The following FLG2 variants were observed in gnomAD, a reference collection of about 807,000 sequenced individuals.
The protein encoded by FLG2 is filaggrin-2.
A neutral mutation model predicts 3.9 loss-of-function variants in FLG2; 7 were observed. That is an observed-to-expected ratio of 1.79 (90% confidence interval 1.02 to 3.36). FLG2 has a LOEUF of 3.36. Among genes scored for constraint, FLG2 ranks in the 30% most tolerant of loss-of-function variants. FLG2 has a pLI of 0.00. For missense variants in FLG2, 2,700 were observed against 2,809.4 expected, an observed-to-expected ratio of 0.96 and a Z score of 0.88; for synonymous variants, 1,031 against 1,056.1, an observed-to-expected ratio of 0.98 and a Z score of 0.46.
Position 152,355,337 on chromosome 1 carries a change from A to G in FLG2, c.2449T>C (p.Ser817Pro), listed in dbSNP as rs750946267. Residue 817 changes from serine to proline, a missense_variant, in exon 3 of 3, where the codon TCC (serine) becomes CCC (proline). Coordinates refer to ENST00000388718, the MANE Select transcript of FLG2 (RefSeq NM_001014342.3). ...GACCCATGTTGTCCAAAGCCAGCGGACTGACCTGAGCCTGATCCATATTGG... is the reference window on the plus strand; with the variant it reads ...GACCCATGTTGTCCAAAGCCAGCGGGCTGACCTGAGCCTGATCCATATTGG... ...FGQYGSGSGQ[S>P]AGFGQHGSGS... The G allele has an allele frequency of 4.3e-6, 7 of 1,613,754 alleles. No individual in the cohort carries two copies. In the East Asian group the frequency reaches 1.3e-4, roughly 31 times the overall value.
Position 152,356,980 on chromosome 1 carries a change from C to A in FLG2, c.806G>T (p.Gly269Val). 1 of 1,614,224 alleles carries A rather than the reference C, an allele frequency of 6.2e-7. No individual in the cohort carries two copies. The highest frequency in any genetic ancestry group is 8.5e-7 in the Non-Finnish European group (1 of 1,180,044). Residue 269 changes from glycine (G) to valine (V), a missense_variant, in exon 3 of 3, where the codon GGT (glycine) becomes GTT (valine). Physicochemically the swap from Gly to Val is moderately radical, Grantham distance 109 (BLOSUM62 -3). Coordinates refer to ENST00000388718, the MANE Select transcript of FLG2 (RefSeq NM_001014342.3). ...ACTTCGCCTCCCACTGTCTCCTGAA[C>A]CTGAACAGCTAGACCCAAGCTTTTG... is the stretch of plus-strand genomic sequence containing the variant. ...REQKLGSSCS[G>V]SGDSGRRSHA...
Position 152,355,235 on chromosome 1 carries a change from C to T in FLG2, c.2551G>A (p.Gly851Ser). 6.2e-7 allele frequency: 1 copy of T among 1,612,210 alleles called. No individual in the cohort carries two copies. ...CCATAGCCAGATGATTGACTTGAGC[C>T]AGAACCATGTTGGCCATAGCTGGAC... ...HQSSYGQHGSGSSQSSGYGQH... is the reference protein window; with the variant it reads ...HQSSYGQHGSSSSQSSGYGQH... The change falls in exon 3 of 3, where the codon GGC becomes AGC. Residue 851 changes from glycine to serine, a missense_variant. Physicochemically the swap from Gly to Ser is moderately conservative, Grantham distance 56. Transcript: ENST00000388718.
Position 152,355,342 on chromosome 1 carries a change from C to T in FLG2, c.2444G>A (p.Gly815Asp). The change falls in exon 3 of 3, where the codon GGT becomes GAT. Residue 815 changes from glycine (G) to aspartate (D), a missense_variant. Transcript: ENST00000388718. Reference protein sequence around the residue: ...TGFGQYGSGSGQSAGFGQHGS... With the variant: ...TGFGQYGSGSDQSAGFGQHGS... ...ATGTTGTCCAAAGCCAGCGGACTGA[C>T]CTGAGCCTGATCCATATTGGCCAAA... 6.2e-7 allele frequency: 1 copy of T among 1,613,858 alleles called. No individual in the cohort carries two copies. Among genetic ancestry groups the T allele is most frequent in the Non-Finnish European group, 8.5e-7 (1 of 1,179,914 alleles).
chr1:152,356,045 C>T lies in FLG2; in HGVS notation c.1741G>A (p.Gly581Ser), dbSNP rs1365423341. 6.2e-7 allele frequency: 1 copy of T among 1,613,736 alleles called. No homozygotes were observed. The highest frequency in any genetic ancestry group is 8.5e-7 in the Non-Finnish European group (1 of 1,179,984). ...TGACCTGAGCCCGATCCATATTGGC[C>T]AAAGCCAGTGGATTGACCTGAGCCC... ...GLGSGQSTGF[G>S]QYGSGSGQSS... Residue 581 changes from glycine to serine, a missense_variant, in exon 3 of 3, where the codon GGC becomes AGC. Physicochemically the swap from Gly to Ser is moderately conservative, Grantham distance 56. Transcript: ENST00000388718.
rs774687289 is a variant in FLG2, at chr1:152,353,225, T to A, written c.4561A>T (p.Thr1521Ser). 1.9e-6 allele frequency: 3 copies of A among 1,566,094 alleles called. No individual in the cohort carries two copies. The highest frequency in any genetic ancestry group is 2.6e-6 in the Non-Finnish European group (3 of 1,155,722). The change falls in exon 3 of 3, where the codon ACT becomes TCT. Residue 1521 changes from threonine (T) to serine (S), a missense_variant. By Grantham distance (58) the Thr-to-Ser change is moderately conservative (BLOSUM62 1). Transcript: ENST00000388718. Reference protein sequence around the residue: ...SGGSHTHSGHTHGQSGSQHGE... With the variant: ...SGGSHTHSGHSHGQSGSQHGE... ...TGTTGAGATCCACTTTGGCCGTGAG[T>A]GTGTCCTGAATGTGTGTGCGAGCCC...
rs760715355 is a variant in FLG2, at chr1:152,352,024, G to GC, written c.5761_5762insG (p.Thr1921SerfsTer11). 6.2e-7 allele frequency: 1 copy of GC among 1,613,846 alleles called. No homozygotes were observed. The highest frequency in any genetic ancestry group is 8.5e-7 in the Non-Finnish European group (1 of 1,179,948). On this transcript the variant is annotated frameshift_variant, in exon 3 of 3. Transcript: ENST00000388718. LOFTEE classifies it low-confidence loss of function (END_TRUNC). ...GGTATCTCCTGTCTGTCCATGAGTA[G>GC]TTTGGTGTCTCTTGTGAACTGTGGA...
Position 152,352,548 on chromosome 1 carries a change from T to C in FLG2, c.5238A>G (p.Gly1746=), listed in dbSNP as rs747505339. The change falls in exon 3 of 3, where the codon GGA becomes GGG. Residue 1746 remains glycine (G), a synonymous_variant. Coordinates refer to ENST00000388718, the MANE Select transcript of FLG2 (RefSeq NM_001014342.3). Reference sequence around the variant, plus strand: ...GAGATCTGGCTTGGCCATGAGTGTGTCCTGAATGTGTATGTGAGACTCCTG... The same window carrying C: ...GAGATCTGGCTTGGCCATGAGTGTGCCCTGAATGTGTATGTGAGACTCCTG... ...GYSGVSHTHS[G]HTHGQARSQH... 3 of 1,613,688 alleles carry C rather than the reference T, an allele frequency of 1.9e-6. No individual in the cohort carries two copies. Among genetic ancestry groups the C allele is most frequent in the East Asian group, 4.5e-5 (2 of 44,848 alleles).
chr1:152,353,741 C>T lies in FLG2; in HGVS notation c.4045G>A (p.Asp1349Asn). Residue 1349 changes from aspartate to asparagine, a missense_variant, in exon 3 of 3, where the codon GAT becomes AAT. Physicochemically the swap from Asp to Asn is conservative, Grantham distance 23. Transcript: ENST00000388718. Reference protein sequence around the residue: ...TSGRQRFSHSDATDSEVHSGV... With the variant: ...TSGRQRFSHSNATDSEVHSGV... ...GAGTGCACTTCACTGTCAGTGGCAT[C>T]ACTGTGGCTAAATCTCTGTCTTCCA... 1.2e-6 allele frequency: 2 copies of T among 1,614,190 alleles called. No homozygotes were observed. The highest frequency in any genetic ancestry group is 1.1e-5 in the South Asian group (1 of 91,080).
chr1:152,357,405 T>C lies in FLG2; in HGVS notation c.381A>G (p.Ser127=). Residue 127 remains serine, a synonymous_variant, in exon 3 of 3, where the codon TCA becomes TCG. Coordinates refer to ENST00000388718, the MANE Select transcript of FLG2 (RefSeq NM_001014342.3). The part of the protein sequence containing the change: ...EDEEDTPGHK[S]GYRHSSWSEG... ...CACTCCAACTTGAATGTCTGTAACCTGATTTATGTCCTGGTGTATCCTCTT... is the reference window on the plus strand; with the variant it reads ...CACTCCAACTTGAATGTCTGTAACCCGATTTATGTCCTGGTGTATCCTCTT... 6.2e-7 allele frequency: 1 copy of C among 1,614,200 alleles called. No homozygotes were observed. The highest frequency in any genetic ancestry group is 8.5e-7 in the Non-Finnish European group (1 of 1,180,032).
chr1:152,358,942 ATT>A, intron 1 of FLG2, 36 bp from the exon 2 acceptor site: 2 of 1,533,704 alleles, frequency 1.3e-6, no homozygotes, highest in Non-Finnish European at 1.8e-6. Context: ...TATTATTCAT[ATT>A]CTCTCCTTTT....
chr1:152,351,924 G>A lies in FLG2; in HGVS notation c.5862C>T (p.Gly1954=), dbSNP rs1390294867. 1.2e-6 allele frequency: 2 copies of A among 1,613,884 alleles called. No individual in the cohort carries two copies. Reference sequence around the variant, plus strand: ...CTTCACTGTCACTGTACTCACTGTGGCCAGATCCCCTTCTTCCAGTTGTCC... The same window carrying A: ...CTTCACTGTCACTGTACTCACTGTGACCAGATCCCCTTCTTCCAGTTGTCC... ...GSRTTGRRGS[G]HSEYSDSEGP... The change falls in exon 3 of 3, where the codon GGC becomes GGT. Residue 1954 remains glycine (G), a synonymous_variant. Transcript: ENST00000388718.
chr1:152,357,094 C>T lies in FLG2; in HGVS notation c.692G>A (p.Ser231Asn), dbSNP rs1654267418. ...EEYESGSGSNSWERKGHGGLS... is the reference protein window; with the variant it reads ...EEYESGSGSNNWERKGHGGLS... ...ACCACCATGACCTTTCCTTTCCCAACTGTTTGATCCAGATCCAGATTCATA... is the reference window on the plus strand; with the variant it reads ...ACCACCATGACCTTTCCTTTCCCAATTGTTTGATCCAGATCCAGATTCATA... The change falls in exon 3 of 3, where the codon AGT becomes AAT. Residue 231 changes from serine to asparagine, a missense_variant. Ser to Asn is a conservative substitution (Grantham distance 46). Transcript: ENST00000388718. 6.2e-7 allele frequency: 1 copy of T among 1,614,210 alleles called. No individual in the cohort carries two copies. The highest frequency in any genetic ancestry group is 8.5e-7 in the Non-Finnish European group (1 of 1,180,036).
chr1:152,357,035 A>G lies in FLG2; in HGVS notation c.751T>C (p.Ser251Pro), dbSNP rs570512770. The G allele has an allele frequency of 4.3e-6, 7 of 1,614,186 alleles. No individual in the cohort carries two copies. The South Asian group carries it at 6.6e-5, about 15-fold the overall frequency. The change falls in exon 3 of 3, where the codon TCA becomes CCA. Residue 251 changes from serine to proline, a missense_variant. By Grantham distance (74) the Ser-to-Pro change is moderately conservative. Transcript: ENST00000388718. ...SCGLETSGHE[S>P]NSTQSRIREQ... Reference sequence around the variant, plus strand: ...CTAATTCTTGACTGAGTAGAGTTTGATTCATGCCCACTAGTCTCCAATCCA... The same window carrying G: ...CTAATTCTTGACTGAGTAGAGTTTGGTTCATGCCCACTAGTCTCCAATCCA...
chr1:152,350,968 C>G lies in FLG2; in HGVS notation c.6818G>C (p.Gly2273Ala), dbSNP rs192946027. 6.2e-7 allele frequency: 1 copy of G among 1,613,804 alleles called. No homozygotes were observed. Among genetic ancestry groups the G allele is most frequent in the Non-Finnish European group, 8.5e-7 (1 of 1,179,940 alleles). Residue 2273 changes from glycine to alanine, a missense_variant, in exon 3 of 3, where the codon GGA (glycine) becomes GCA (alanine). Transcript: ENST00000388718. ...VHSWGSHTHS[G>A]HIQGQAGSQQ... ...AGATCCAGCTTGGCCCTGAATGTGT[C>G]CTGAATGTGTGTGTGAGCCCCATGA... is the stretch of plus-strand genomic sequence containing the variant.
chr1:152,352,852 G>T lies in FLG2; in HGVS notation c.4934C>A (p.Thr1645Lys). Residue 1645 changes from threonine (T) to lysine (K), a missense_variant, in exon 3 of 3, where the codon ACA becomes AAA. Physicochemically the swap from Thr to Lys is moderately conservative, Grantham distance 78 (BLOSUM62 -1). Coordinates refer to ENST00000388718, the MANE Select transcript of FLG2 (RefSeq NM_001014342.3). ...HGQSTQRGSR[T>K]TGRQRSSHSE... ...GTGGCTAGATCTCTGTCTTCCAGTT[G>T]TCCTGGACCCTCTCTGTGTGGACTG... 6.2e-7 allele frequency: 1 copy of T among 1,613,656 alleles called. No individual in the cohort carries two copies. The highest frequency in any genetic ancestry group is 8.5e-7 in the Non-Finnish European group (1 of 1,179,916).
rs1653844636 is a variant in FLG2 at position 152,349,926 on chromosome 1, T to C, written c.*684A>G. ...ATCTATACCTATACTCTTCAATTCC[T>C]GCAGGGTCTTGGCTGTCAAGAAAGT... is the stretch of plus-strand genomic sequence containing the variant. On this transcript the variant is annotated 3_prime_UTR_variant, in exon 3 of 3. Transcript: ENST00000388718. The C allele has an allele frequency of 6.5e-6, 1 of 154,800 alleles. No individual in the cohort carries two copies. The highest frequency in any genetic ancestry group is 1.4e-5 in the Non-Finnish European group (1 of 69,576). The allele number at this position is 154,800 out of a possible 1,614,324, so 9.6% of individuals were successfully genotyped here.
At position 152,353,345 on chromosome 1, in the gene FLG2, A is replaced by G. The variant is rs1654042300; in HGVS notation, c.4441T>C (p.Tyr1481His). ...CTCTGTGTGGATTTTCCATGATGAT[A>G]GTGGGCATGTCTAGTGGTATCTCCT... ...QTGDTTRHAHYHHGKSTQRGS... is the reference protein window; with the variant it reads ...QTGDTTRHAHHHHGKSTQRGS... The change falls in exon 3 of 3, where the codon TAT becomes CAT. Residue 1481 changes from tyrosine (Y) to histidine (H), a missense_variant. Physicochemically the swap from Tyr to His is moderately conservative, Grantham distance 83 (BLOSUM62 2). Coordinates refer to ENST00000388718, the MANE Select transcript of FLG2 (RefSeq NM_001014342.3). 6.2e-7 allele frequency: 1 copy of G among 1,611,058 alleles called. No homozygotes were observed. The highest frequency in any genetic ancestry group is 1.7e-5 in the Admixed American group (1 of 59,594).
Position 152,355,123 on chromosome 1 carries a change from C to T in FLG2, c.2663G>A (p.Gly888Glu), listed in dbSNP as rs1215259878. The change falls in exon 3 of 3, where the codon GGA becomes GAA. Residue 888 changes from glycine to glutamate, a missense_variant. Physicochemically the swap from Gly to Glu is moderately conservative, Grantham distance 98. Transcript: ENST00000388718. The part of the protein sequence containing the change: ...SGQYSGFGQH[G>E]SGSGQSSGFG... ...GCCACTGGACTGACCTGAGCCTGAT[C>T]CATGTTGTCCAAAGCCAGAGTATTG... 1 of 1,555,158 alleles carries T rather than the reference C, an allele frequency of 6.4e-7. No individual in the cohort carries two copies. Among genetic ancestry groups the T allele is most frequent in the Admixed American group, 1.9e-5 (1 of 52,496 alleles).
rs954964834 is a variant in FLG2, at chr1:152,350,203, T to C, written c.*407A>G. 1 of 205,392 alleles carries C rather than the reference T, an allele frequency of 4.9e-6. No individual in the cohort carries two copies. Among genetic ancestry groups the C allele is most frequent in the Non-Finnish European group, 9.9e-6 (1 of 101,194 alleles). The allele number at this position is 205,392 out of a possible 1,614,324, so 12.7% of individuals were successfully genotyped here. A position where few individuals can be genotyped will look rare whatever the true frequency, so the allele number is the denominator to read the frequency against. On this transcript the variant is annotated 3_prime_UTR_variant, in exon 3 of 3. Coordinates refer to ENST00000388718, the MANE Select transcript of FLG2 (RefSeq NM_001014342.3). Reference sequence around the variant, plus strand: ...TATTGTATTGAACTCTAACTTCCCATGCCTAGATCCTAATTGCTCATGAGT... The same window carrying C: ...TATTGTATTGAACTCTAACTTCCCACGCCTAGATCCTAATTGCTCATGAGT...
Sources: allele counts gnomAD v4.1 joint callset, GRCh38; gene constraint gnomAD v4.1.1; transcripts MANE v1.5; gene names NCBI Gene and HGNC (gene_info 2026-07-23, HGNC 2026-07-21).